Variants in ATRX observed in about 807,000 individuals in gnomAD.
ATRX encodes the protein ATRX chromatin remodeler.
A neutral mutation model predicts 172.6 loss-of-function variants in ATRX; 12 were observed. The observed-to-expected ratio is 0.07, with a 90% CI of 0.04 to 0.11. The LOEUF (loss-of-function observed/expected upper bound fraction) is 0.11, where lower values mean the gene tolerates loss of function less well. ATRX is among the 10% of genes least tolerant of loss of function. ATRX has a pLI of 1.00. For synonymous variants in ATRX, 674 were observed against 594.7 expected (o/e 1.13, Z -1.94); for missense variants, 1,368 against 1,767.4 (o/e 0.77, Z 4.05).
intron 2 of ATRX, among the ~76,000 whole-genome samples, chrX:77,705,761 T>C (rs1197763795): frequency 2.7e-5 from 3 of 111,843 alleles, no homozygotes; most frequent in African/African-American, 9.7e-5. Flanking sequence ...ACATTCAGAA[T>C]AGGCAGATAA....
intron 10 of ATRX, 123 bp downstream of exon 10, chrX:77,676,103 C>T (rs1043283101): frequency 2.8e-5 from 17 of 597,148 alleles, no homozygotes; most frequent in Middle Eastern, 3.4e-4. Flanking sequence ...AGACTGTGAG[C>T]GAGTCTTTCT....
chrX:77,652,422 A>T, intron 14 of ATRX, 69 bp from the exon 15 acceptor site: 3 of 1,093,826 alleles, frequency 2.7e-6, no homozygotes, highest in Non-Finnish European at 2.5e-6. Flanking sequence ...ATATTCCATT[A>T]ATTAACACAG....
chrX:77,769,137 C>G (rs1350155157), intron 1 of ATRX, among the ~76,000 whole-genome samples: 1 of 111,751 alleles, frequency 8.9e-6, no homozygotes, highest in Non-Finnish European at 1.9e-5. Flanking sequence ...TATGTTCACA[C>G]CTGTGAATAG....
chrX:77,669,847 T>C, intron 10 of ATRX, among the ~76,000 whole-genome samples: 1 of 110,133 alleles, frequency 9.1e-6, no homozygotes. Flanking sequence ...TACAGGCATG[T>C]ACCACCATGC....
rs371884837 is a variant in ATRX at position 77,599,724 on chromosome X, C to T, written c.5786+8G>A. On this transcript the variant is annotated splice_region_variant and intron_variant, in intron 24 of 34. Coordinates refer to ENST00000373344, the MANE Select transcript of ATRX (RefSeq NM_000489.6). ...ATACAGGATGGCACGAAAAAGTATTCGATTTACTTTGTATAATCATCGGAG... is the reference window on the plus strand; with the variant it reads ...ATACAGGATGGCACGAAAAAGTATTTGATTTACTTTGTATAATCATCGGAG... The T allele has an allele frequency of 1.7e-6, 2 of 1,201,059 alleles. No individual in the cohort carries two copies. The highest frequency in any genetic ancestry group is 2.2e-5 in the Admixed American group (1 of 45,409).
intron 30 of ATRX, among the ~76,000 whole-genome samples, chrX:77,551,225 G>C (rs1376527461): frequency 3.6e-5 from 4 of 111,701 alleles, no homozygotes; most frequent in Admixed American, 9.5e-5. Context: ...ATACTACAAG[G>C]CTATAGTAAC....
At chrX:77,638,254 G>A (rs2068489890) in intron 15 of ATRX, among the ~76,000 whole-genome samples, 1 of 112,121 alleles carries the variant, frequency 8.9e-6, no homozygotes, top group South Asian at 3.7e-4. Context: ...ATGAGGTCAG[G>A]AGTTTGAGAC....
intron 30 of ATRX, among the ~76,000 whole-genome samples, chrX:77,524,597 TACTG>T (rs1557043004): frequency 9.0e-6 from 1 of 111,369 alleles, no homozygotes; most frequent in East Asian, 2.8e-4. Context: ...TAATAGCAAA[TACTG>T]ACACTAATTC....
chrX:77,671,165 AAAATATATATAT>A (rs2070574149), intron 10 of ATRX, among the ~76,000 whole-genome samples: 1 of 24,702 alleles, frequency 4.0e-5, no homozygotes. Context: ...AAAAAAAAAA[AAAATATATATAT>A]ATATATATAT....
intron 1 of ATRX, among the ~76,000 whole-genome samples, chrX:77,734,047 C>T (rs1184432436): frequency 1.9e-5 from 2 of 103,119 alleles, no homozygotes; most frequent in Non-Finnish European, 4.0e-5. Context: ...ACTAAAAATA[C>T]GAAAAAAAAA....
At chrX:77,607,938 A>G (rs2066986211) in intron 22 of ATRX, among the ~76,000 whole-genome samples, 1 of 110,693 alleles carries the variant, frequency 9.0e-6, no homozygotes, top group Non-Finnish European at 1.9e-5. Flanking sequence ...TGAAAAAACT[A>G]TCCTGAAATT....
In ATRX at chrX:77,651,512, T is replaced by G. The variant is rs1214458715; in HGVS notation, c.4557+602A>C. Among the ~76,000 whole-genome samples, 5 of 111,985 alleles carry G rather than the reference T, an allele frequency of 4.5e-5. No homozygotes were observed. In the Admixed American group the frequency reaches 4.8e-4, roughly 11 times the overall value. On this transcript the variant is annotated intron_variant, in intron 15 of 34. Transcript: ENST00000373344. ...TTAAATTAATAAAGCTTAATGACTATTTTAAGTTGCATGAAATAGTGACAG... is the reference window on the plus strand; with the variant it reads ...TTAAATTAATAAAGCTTAATGACTAGTTTAAGTTGCATGAAATAGTGACAG...
chrX:77,637,483 T>C (rs1557108855), intron 15 of ATRX, among the ~76,000 whole-genome samples: 1 of 111,244 alleles, frequency 9.0e-6, no homozygotes, highest in Admixed American at 9.6e-5. Context: ...CACAAGGTCA[T>C]ACGACTATTG....
chrX:77,605,373 A>G (rs2066865962), intron 22 of ATRX, among the ~76,000 whole-genome samples: 1 of 111,656 alleles, frequency 9.0e-6, no homozygotes, highest in Non-Finnish European at 1.9e-5. Flanking sequence ...GGTTGCAGTG[A>G]GCTGAGATCG....
At chrX:77,701,130 T>C (rs782807275) in intron 2 of ATRX, among the ~76,000 whole-genome samples, 2 of 112,463 alleles carry the variant, frequency 1.8e-5, no homozygotes, top group Admixed American at 1.9e-4. Flanking sequence ...TGGGAGATGC[T>C]GTGCATGTGT....
rs2148595356 is a variant in ATRX at position 77,682,731 on chromosome X, G to A, written c.2525C>T (p.Pro842Leu). ...AGAAGAGTCAAAATCTTTTGTATTT[G>A]GAATTCTTTTTTTGGTGGTTCTGGC... Reference protein sequence around the residue: ...GAARTTKKRIPNTKDFDSSED... With the variant: ...GAARTTKKRILNTKDFDSSED... Residue 842 changes from proline (P) to leucine (L), a missense_variant, in exon 9 of 35, where the codon CCA (proline) becomes CTA (leucine). By Grantham distance (98) the Pro-to-Leu change is moderately conservative. Around this residue, in one of 17 missense-constraint regions of ATRX, gnomAD observed 843 missense variants for 643.1 expected, o/e 1.31. Coordinates refer to ENST00000373344, the MANE Select transcript of ATRX (RefSeq NM_000489.6). 8.3e-7 allele frequency: 1 copy of A among 1,209,340 alleles called. No homozygotes were observed. The highest frequency in any genetic ancestry group is 1.1e-6 in the Non-Finnish European group (1 of 894,859).
intron 12 of ATRX, among the ~76,000 whole-genome samples, chrX:77,656,888 G>A (rs1169598559): frequency 9.0e-6 from 1 of 111,393 alleles, no homozygotes; most frequent in Non-Finnish European, 1.9e-5. Flanking sequence ...TAAAATATAA[G>A]TATTCAATTG....
At chrX:77,750,638 C>A (rs1421377708) in intron 1 of ATRX, among the ~76,000 whole-genome samples, 1 of 109,695 alleles carries the variant, frequency 9.1e-6, no homozygotes, top group Admixed American at 9.8e-5. Context: ...AGGTTTTAAG[C>A]CCCACATGCA....
chrX:77,674,593 A>G (rs1292021974), intron 10 of ATRX: 2 of 111,595 alleles, frequency 1.8e-5, no homozygotes, highest in African/African-American at 6.5e-5. Flanking sequence ...CACACACAAA[A>G]AAATTATACC....
Sources: gnomAD v4.1 joint callset for allele counts (sites outside exome capture counted in the v4.1 genomes callset) on GRCh38, gnomAD v4.1.1 for gene constraint, gnomAD v4.1.1 regional missense constraint, MANE v1.5 for transcripts, NCBI Gene and HGNC (gene_info 2026-07-23, HGNC 2026-07-21) for gene names.